CHD8: variants seen among roughly 807,000 people sequenced by gnomAD.
CHD8 encodes ATP-dependent chromatin remodeler CHD8.
Under a neutral mutation model 279.2 loss-of-function variants are expected in CHD8, and 31 were observed. The ratio of observed to expected loss-of-function variants is 0.11; its 90% CI spans 0.08 to 0.15. The LOEUF is 0.15. Among genes scored for constraint, CHD8 ranks in the 10% least tolerant of loss-of-function variants. The probability of loss-of-function intolerance (pLI) is 1.00; values close to 1 mark genes in which losing one functional copy is unlikely to be tolerated. For synonymous variants in CHD8, 1,081 were observed against 1,139.6 expected (o/e 0.95, Z 1.04); for missense variants, 2,146 against 3,230.5 (o/e 0.66, Z 8.14).
At chr14:21,449,451 C>G (rs1890206921) in intron 1 of CHD8, among the ~76,000 whole-genome samples, 1 of 152,194 alleles carries the variant, frequency 6.6e-6, no homozygotes, top group South Asian at 2.1e-4. Flanking sequence ...TCTCTCAAAG[C>G]AAAATTACTC....
At chr14:21,452,189 C>T (rs1282209099) in intron 1 of CHD8, among the ~76,000 whole-genome samples, 7 of 152,092 alleles carry the variant, frequency 4.6e-5, no homozygotes, top group African/African-American at 1.2e-4. Context: ...TACAGGACCA[C>T]GCCACCACGC....
At chr14:21,443,924 C>T (rs1566455096) in intron 1 of CHD8, among the ~76,000 whole-genome samples, 1 of 150,020 alleles carries the variant, frequency 6.7e-6, no homozygotes, top group African/African-American at 2.5e-5. Flanking sequence ...GAAAGCCTTT[C>T]TGATACCTAC....
chr14:21,400,474 G>T lies in CHD8; in HGVS notation c.4509C>A (p.Phe1503Leu). 1 of 1,609,136 alleles carries T rather than the reference G, an allele frequency of 6.2e-7. No homozygotes were observed. Among genetic ancestry groups the T allele is most frequent in the Non-Finnish European group, 8.5e-7 (1 of 1,178,760 alleles). The change falls in exon 23 of 38, where the codon TTC (phenylalanine) becomes TTA (leucine). Residue 1503 changes from phenylalanine to leucine, a missense_variant. This residue lies in a region of CHD8 where 73 missense variants were observed against 153.2 expected (regional missense o/e 0.48). Coordinates refer to ENST00000646647, the MANE Select transcript of CHD8 (RefSeq NM_001170629.2). This position sits in a 1 kb window ranked among gnomAD's most constrained non-coding sequence, Gnocchi z 4.2. The stretch of plus-strand genomic sequence containing the variant: ...CAGCTGGGCTAATCAAGTCCCAGAT[G>T]AAGCCTTTAATATTTTCATCCCCAC... ...HYRGDENIKG[F>L]IWDLISPAEN...
chr14:21,417,464 G>A (rs545011053), intron 5 of CHD8, among the ~76,000 whole-genome samples: 2 of 152,022 alleles, frequency 1.3e-5, no homozygotes, highest in Non-Finnish European at 1.5e-5. Context: ...ACCTGTAATC[G>A]TAGCACTTTG....
chr14:21,396,309 T>C (rs1887781714), intron 27 of CHD8, among the ~76,000 whole-genome samples: 2 of 151,888 alleles, frequency 1.3e-5, no homozygotes, highest in South Asian at 4.2e-4. Flanking sequence ...TTTTTATTTT[T>C]ATATATATAT....
rs1027201674 is a variant in CHD8, at chr14:21,408,077, C to G, written c.2730+235G>C. The stretch of plus-strand genomic sequence containing the variant: ...AAATTCTACTTAAAATGTGTATGTT[C>G]ATAAATAAAATCAGAACTTCTACCA... On this transcript the variant is annotated intron_variant, in intron 13 of 37. Transcript: ENST00000646647. This position sits in a 1 kb window ranked among gnomAD's most constrained non-coding sequence, Gnocchi z 4.3. 6.6e-6 allele frequency among the ~76,000 whole-genome samples: 1 copy of G among 151,986 alleles called. No individual in the cohort carries two copies. Among genetic ancestry groups the G allele is most frequent in the Non-Finnish European group, 1.5e-5 (1 of 68,000 alleles).
chr14:21,387,925 G>C (rs1290661241), intron 37 of CHD8, among the ~76,000 whole-genome samples: 1 of 152,010 alleles, frequency 6.6e-6, no homozygotes, highest in Non-Finnish European at 1.5e-5. Context: ...AAGTACTTGA[G>C]GTAAAAATAG....
At chr14:21,455,682 G>A (rs1422088335) in intron 1 of CHD8, among the ~76,000 whole-genome samples, 2 of 152,174 alleles carry the variant, frequency 1.3e-5, no homozygotes, top group Non-Finnish European at 2.9e-5. Context: ...AAACGGGGCC[G>A]AGGAGTTTTC....
Position 21,403,356 on chromosome 14 carries a change from A to T in CHD8, c.3518+97T>A. ...AGTGAGAATCTTAAAAACTTCTCTT[A>T]TTGCAATTGGTGAACTCTAATTAAA... On this transcript the variant is annotated intron_variant, in intron 17 of 37. Coordinates refer to ENST00000646647, the MANE Select transcript of CHD8 (RefSeq NM_001170629.2). This position sits in a 1 kb window ranked among gnomAD's most constrained non-coding sequence, Gnocchi z 4.3. 7.9e-7 allele frequency: 1 copy of T among 1,264,842 alleles called. No individual in the cohort carries two copies. The highest frequency in any genetic ancestry group is 1.1e-6 in the Non-Finnish European group (1 of 904,978). The allele number at this position is 1,264,842 out of a possible 1,614,324, so 78.4% of individuals were successfully genotyped here.
In CHD8 at chr14:21,405,904, T is replaced by C. The variant is rs1888234401; in HGVS notation, c.2908-40A>G. On this transcript the variant is annotated intron_variant, in intron 14 of 37. Transcript: ENST00000646647. This position sits in a 1 kb window ranked among gnomAD's most constrained non-coding sequence, Gnocchi z 4.2. Reference sequence around the variant, plus strand: ...AACAAAAGAATAAAATTTAAAAACATGAAGGACTTCTGGGGTTTCCTATCA... The same window carrying C: ...AACAAAAGAATAAAATTTAAAAACACGAAGGACTTCTGGGGTTTCCTATCA... The C allele has an allele frequency of 1.3e-6, 2 of 1,563,568 alleles. No individual in the cohort carries two copies. The highest frequency in any genetic ancestry group is 1.7e-6 in the Non-Finnish European group (2 of 1,147,272).
intron 5 of CHD8, among the ~76,000 whole-genome samples, chr14:21,421,301 A>C (rs979708707): frequency 6.6e-6 from 1 of 152,064 alleles, no homozygotes; most frequent in Non-Finnish European, 1.5e-5. Context: ...TTAAAGAGAT[A>C]CTACATACAC....
chr14:21,452,188 ACGC>A (rs1234841579), intron 1 of CHD8, among the ~76,000 whole-genome samples: 1 of 152,068 alleles, frequency 6.6e-6, no homozygotes, highest in Admixed American at 6.5e-5. Context: ...CTACAGGACC[ACGC>A]CACCACGCCC....
chr14:21,420,839 TG>T (rs1889002652), intron 5 of CHD8, among the ~76,000 whole-genome samples: 1 of 152,152 alleles, frequency 6.6e-6, no homozygotes, highest in Non-Finnish European at 1.5e-5. Flanking sequence ...CTCAGCTTAC[TG>T]CAACCTCTGC....
At chr14:21,394,834 A>G in intron 30 of CHD8, 78 bp downstream of exon 30, 1 of 1,459,604 alleles carries the variant, frequency 6.9e-7, no homozygotes. Context: ...TTCCAAATAA[A>G]TCCTTCCTGA....
At chr14:21,401,865 C>T in intron 20 of CHD8, 92 bp downstream of exon 20, 1 of 1,233,396 alleles carries the variant, frequency 8.1e-7, no homozygotes, top group Non-Finnish European at 1.1e-6. Context: ...GGAATATAGG[C>T]ATGAGCCACC....
chr14:21,415,401 G>A (rs1480107100), intron 7 of CHD8, 173 bp downstream of exon 7: 1 of 351,378 alleles, frequency 2.8e-6, no homozygotes, highest in Admixed American at 4.6e-5. Context: ...TCAGGAGGCT[G>A]AGGCAGAAGA....
chr14:21,414,587 G>A, intron 8 of CHD8, 169 bp from the exon 9 acceptor site: 1 of 599,622 alleles, frequency 1.7e-6, no homozygotes, highest in Non-Finnish European at 2.9e-6. Flanking sequence ...CAAACCACCT[G>A]GTATGGGATG....
At chr14:21,406,435 G>A (rs1051203590) in intron 14 of CHD8, among the ~76,000 whole-genome samples, 5 of 152,180 alleles carry the variant, frequency 3.3e-5, no homozygotes, top group African/African-American at 1.2e-4. Flanking sequence ...GAGGATGAGA[G>A]GCCATGTGGA....
At chr14:21,434,111 T>C (rs912550339) in intron 1 of CHD8, among the ~76,000 whole-genome samples, 1 of 150,122 alleles carries the variant, frequency 6.7e-6, no homozygotes, top group African/African-American at 2.5e-5. Context: ...AATGGCGCGA[T>C]CTCGGCTCAC....
Sources: gnomAD v4.1 joint callset for allele counts (sites outside exome capture counted in the v4.1 genomes callset) on GRCh38, gnomAD v4.1.1 for gene constraint, gnomAD v4.1.1 regional missense constraint, Gnocchi (gnomAD v3.1) non-coding constraint, MANE v1.5 for transcripts, NCBI Gene and HGNC (gene_info 2026-07-23, HGNC 2026-07-21) for gene names.